MAP7D2: variants seen among roughly 807,000 people sequenced by gnomAD.
MAP7D2 encodes the protein MAP7 domain containing 2.
In MAP7D2, 33 loss-of-function variants were observed where a neutral mutation model predicts 63.5. The ratio of observed to expected loss-of-function variants is 0.52; its 90% CI spans 0.39 to 0.70. The LOEUF (loss-of-function observed/expected upper bound fraction) is 0.70, where lower values mean the gene tolerates loss of function less well. Among genes scored for constraint, MAP7D2 ranks in the 30% least tolerant of loss-of-function variants. The probability of loss-of-function intolerance (pLI) is 0.00; values close to 1 mark genes in which losing one functional copy is unlikely to be tolerated. For synonymous variants in MAP7D2, 224 were observed against 223.7 expected (o/e 1.00, Z -0.01); for missense variants, 626 against 604.0 (o/e 1.04, Z -0.38).
intron 3 of MAP7D2, among the ~76,000 whole-genome samples, chrX:20,059,068 G>A (rs1175538761): frequency 8.9e-6 from 1 of 111,938 alleles, no homozygotes; most frequent in African/African-American, 3.2e-5. Flanking sequence ...ATAAAATGGG[G>A]ATGAGCTTAC....
At chrX:20,038,688 A>G (rs771643721) in intron 8 of MAP7D2, among the ~76,000 whole-genome samples, 1 of 111,279 alleles carries the variant, frequency 9.0e-6, no homozygotes, top group East Asian at 2.8e-4. Flanking sequence ...GCTGGCCTAG[A>G]GGTCTTAGTT....
At chrX:20,065,474 C>T (rs914744620) in intron 1 of MAP7D2, among the ~76,000 whole-genome samples, 1 of 109,822 alleles carries the variant, frequency 9.1e-6, no homozygotes, top group Non-Finnish European at 1.9e-5. Flanking sequence ...ATCATGTTGG[C>T]CAGGCTAGTC....
At chrX:20,025,273 C>T (rs752042274) in intron 9 of MAP7D2, among the ~76,000 whole-genome samples, 190 bp from the exon 10 acceptor site, 3 of 112,111 alleles carry the variant, frequency 2.7e-5, no homozygotes, top group South Asian at 3.7e-4. Flanking sequence ...GAACCCTGGA[C>T]GCATTTTACA....
intron 1 of MAP7D2, among the ~76,000 whole-genome samples, chrX:20,094,547 TATATATATATATATATATATAC>T (rs1569141148): frequency 0.017 from 152 of 9,126 alleles, 8 homozygotes; most frequent in African/African-American, 0.059. Flanking sequence ...TATATGTATA[TATATATATATATATATATATAC>T]ATATATATGT....
chrX:20,096,961 TA>T (rs1378398970), intron 1 of MAP7D2, among the ~76,000 whole-genome samples: 1 of 111,904 alleles, frequency 8.9e-6, no homozygotes, highest in East Asian at 2.8e-4. Flanking sequence ...ATTTAAAGCT[TA>T]GACATTCAAC....
At chrX:20,112,052 G>A (rs1461167349) in intron 1 of MAP7D2, among the ~76,000 whole-genome samples, 4 of 112,256 alleles carry the variant, frequency 3.6e-5, no homozygotes, top group Non-Finnish European at 1.9e-5. Flanking sequence ...GATTACAGGT[G>A]TGAACCACCA....
chrX:20,064,733 C>T lies in MAP7D2; in HGVS notation c.203G>A (p.Cys68Tyr). The change falls in exon 2 of 17, where the codon TGT (cysteine) becomes TAT (tyrosine). Residue 68 changes from cysteine (C) to tyrosine (Y), a missense_variant. Transcript: ENST00000379643. ...AKERREEREK[C>Y]LAAREQQILE... Reference sequence around the variant, plus strand: ...AGCCAAAGTGCATAACTTACCCAGACATTTTTCTCTTTCTTCTCGTCTTTC... The same window carrying T: ...AGCCAAAGTGCATAACTTACCCAGATATTTTTCTCTTTCTTCTCGTCTTTC... 8.3e-7 allele frequency: 1 copy of T among 1,210,494 alleles called. No homozygotes were observed. Among genetic ancestry groups the T allele is most frequent in the Middle Eastern group, 2.3e-4 (1 of 4,355 alleles).
intron 5 of MAP7D2, chrX:20,052,329 C>A: frequency 4.4e-6 from 1 of 226,882 alleles, no homozygotes; most frequent in African/African-American, 2.9e-5. Context: ...CCATACACAT[C>A]ATCTCCTAAC....
In MAP7D2 at chrX:20,044,723, G is replaced by A. The variant is rs2064750327; in HGVS notation, c.719-199C>T. On this transcript the variant is annotated intron_variant, in intron 6 of 16. Coordinates refer to ENST00000379643, the MANE Select transcript of MAP7D2 (RefSeq NM_001168465.2). ...CAAGTTTATTCAAGTTTATTTCAGG[G>A]GTTAAAAGTCTGTACTTTGGAGCCA... Among the ~76,000 whole-genome samples, 4 of 111,442 alleles carry A rather than the reference G, an allele frequency of 3.6e-5. No individual in the cohort carries two copies. The South Asian group carries it at 1.6e-3, about 43-fold the overall frequency.
At position 20,056,741 on chromosome X, in the gene MAP7D2, C is replaced by G; in HGVS notation, c.423G>C (p.Leu141=). Residue 141 remains leucine (L), a synonymous_variant, in exon 4 of 17, where the codon CTG becomes CTC. Coordinates refer to ENST00000379643, the MANE Select transcript of MAP7D2 (RefSeq NM_001168465.2). ...MRRSLERTQQ[L]ELKKKYSWGA... ...CCCACGAATACTTCTTTTTCAGCTC[C>G]AGCTGCTGTGTGCGCTCCAGGGACC... The G allele has an allele frequency of 8.3e-7, 1 of 1,211,887 alleles. No individual in the cohort carries two copies. The highest frequency in any genetic ancestry group is 1.1e-6 in the Non-Finnish European group (1 of 895,566).
chrX:20,010,891 T>C lies in MAP7D2; in HGVS notation c.2234A>G (p.Glu745Gly). Residue 745 changes from glutamate (E) to glycine (G), a missense_variant, in exon 16 of 17, where the codon GAA (glutamate) becomes GGA (glycine). Physicochemically the swap from Glu to Gly is moderately conservative, Grantham distance 98 (BLOSUM62 -2). Transcript: ENST00000379643. ...GTTACAGTCGTCCAGGCTGAGATTT[T>C]CACTGGATCTCTTGGGGAATGTCGG... ...GPPTFPKRSS[E>G]NLSLDDCNKN... 2 of 1,211,471 alleles carry C rather than the reference T, an allele frequency of 1.7e-6. No individual in the cohort carries two copies. The highest frequency in any genetic ancestry group is 3.5e-5 in the South Asian group (2 of 56,984).
Position 20,015,282 on chromosome X carries a change from G to T in MAP7D2, c.1690C>A (p.Arg564Ser), listed in dbSNP as rs199934348. 9.1e-6 allele frequency: 11 copies of T among 1,209,090 alleles called. No individual in the cohort carries two copies. Among genetic ancestry groups the T allele is most frequent in the Non-Finnish European group, 1.1e-5 (10 of 894,768 alleles). Residue 564 changes from arginine to serine, a missense_variant, in exon 12 of 17, where the codon CGT becomes AGT. By Grantham distance (110) the Arg-to-Ser change is moderately radical (BLOSUM62 -1). Transcript: ENST00000379643. ...AGCATAATCTGTTCTCTCTCGAGACGCATCTGTTCAGCTACCTCCCGGGCC... is the reference window on the plus strand; with the variant it reads ...AGCATAATCTGTTCTCTCTCGAGACTCATCTGTTCAGCTACCTCCCGGGCC... ...TKAREVAEQM[R>S]LEREQIMLQI...
intron 8 of MAP7D2, among the ~76,000 whole-genome samples, chrX:20,040,294 C>T (rs1441966125): frequency 8.9e-6 from 1 of 111,871 alleles, no homozygotes; most frequent in Non-Finnish European, 1.9e-5. Context: ...TAATAAACTC[C>T]CCTTTATATA....
intron 1 of MAP7D2, among the ~76,000 whole-genome samples, chrX:20,076,430 G>C (rs2065643505): frequency 2.7e-5 from 3 of 112,027 alleles, no homozygotes. Context: ...TACAGGCCGG[G>C]CGCAGTGGCT....
chrX:20,078,413 T>C (rs1354151626), intron 1 of MAP7D2, among the ~76,000 whole-genome samples: 1 of 112,546 alleles, frequency 8.9e-6, no homozygotes, highest in African/African-American at 3.2e-5. Context: ...GCCAGTCTGG[T>C]TGACTCTCAA....
intron 3 of MAP7D2, among the ~76,000 whole-genome samples, chrX:20,058,517 T>C (rs1397988388): frequency 9.0e-6 from 1 of 111,559 alleles, no homozygotes; most frequent in East Asian, 2.8e-4. Context: ...ATCAGCTATC[T>C]GGGGGGCACC....
At chrX:20,054,239 C>T (rs2065017717) in intron 4 of MAP7D2, among the ~76,000 whole-genome samples, 1 of 112,105 alleles carries the variant, frequency 8.9e-6, no homozygotes, top group East Asian at 2.8e-4. Flanking sequence ...TTTTAATACT[C>T]TTTTCAATTT....
intron 1 of MAP7D2, among the ~76,000 whole-genome samples, chrX:20,094,508 A>ACG (rs2066167676): frequency 2.6e-4 from 3 of 11,552 alleles, no homozygotes; most frequent in Admixed American, 1.7e-3. Flanking sequence ...ATATATATAT[A>ACG]TATATATGTA....
At chrX:20,032,715 A>G (rs989301609) in intron 8 of MAP7D2, among the ~76,000 whole-genome samples, 2 of 112,175 alleles carry the variant, frequency 1.8e-5, no homozygotes, top group Non-Finnish European at 3.8e-5. Context: ...GGCCACAATA[A>G]TATCTCCCAT....
Sources: gnomAD v4.1 joint callset for allele counts (sites outside exome capture counted in the v4.1 genomes callset) on GRCh38, gnomAD v4.1.1 for gene constraint, MANE v1.5 for transcripts, NCBI Gene and HGNC (gene_info 2026-07-23, HGNC 2026-07-21) for gene names.